CDK11B: variants seen among roughly 807,000 people sequenced by gnomAD.
CDK11B encodes cyclin-dependent kinase 11B.
A neutral mutation model predicts 84.0 loss-of-function variants in CDK11B; 37 were observed. That is an observed-to-expected ratio of 0.44 (90% CI 0.34 to 0.58). The LOEUF (loss-of-function observed/expected upper bound fraction) is 0.58. CDK11B is among the 20% of genes least tolerant of loss of function. CDK11B has a pLI of 0.02. For missense variants in CDK11B, 427 were observed against 834.0 expected (o/e 0.51, Z 6.01); for synonymous variants, 269 against 309.8 (o/e 0.87, Z 1.38).
Position 1,636,982 on chromosome 1 carries a change from C to T in CDK11B, c.1715G>A (p.Arg572Gln), listed in dbSNP as rs1277215727. 7 of 1,611,412 alleles carry T rather than the reference C, an allele frequency of 4.3e-6. No homozygotes were observed. The highest frequency in any genetic ancestry group is 1.1e-5 in the South Asian group (1 of 90,852). Residue 572 changes from arginine to glutamine, a missense_variant, in exon 16 of 20, where the codon CGG (arginine) becomes CAG (glutamine). This residue lies in a region of CDK11B where 170 missense variants were observed against 196.0 expected (regional missense o/e 0.87). Coordinates refer to ENST00000341832, the MANE Select transcript of CDK11B (RefSeq NM_033486.3). ...GGCCTTCAGAGGGGATCCGTACTCC[C>T]GCGCCAGCCCGAAGTCACCCACCTG... ...ILKVGDFGLA[R>Q]EYGSPLKAYT...
chr1:1,657,261 A>G (rs1414849778), intron 2 of CDK11B, 114 bp downstream of exon 2: 2 of 1,613,962 alleles, frequency 1.2e-6, no homozygotes, highest in Non-Finnish European at 1.7e-6. Context: ...CTCACCTGCG[A>G]CATTTGGAAG....
Position 1,637,245 on chromosome 1 carries a change from G to C in CDK11B, c.1571-43C>G. 4 of 1,607,330 alleles carry C rather than the reference G, an allele frequency of 2.5e-6. No homozygotes were observed. In the South Asian group the frequency reaches 3.3e-5, roughly 13 times the overall value. ...TCCCATGTGGACCTGGCTGCCCCCAGCCCAGGGCACTCAGGGTGGCCCACT... is the reference window on the plus strand; with the variant it reads ...TCCCATGTGGACCTGGCTGCCCCCACCCCAGGGCACTCAGGGTGGCCCACT... On this transcript the variant is annotated intron_variant, in intron 14 of 19. Coordinates refer to ENST00000341832, the MANE Select transcript of CDK11B (RefSeq NM_033486.3).
Position 1,636,950 on chromosome 1 carries a change from G to A in CDK11B, c.1747C>T (p.Pro583Ser), listed in dbSNP as rs1639414005. 6.2e-7 allele frequency: 1 copy of A among 1,609,056 alleles called. No homozygotes were observed. Among genetic ancestry groups the A allele is most frequent in the Admixed American group, 1.7e-5 (1 of 59,854 alleles). ...EYGSPLKAYT[P>S]VVVTLWYRAP... ...CGGTACCACAGGGTCACCACGACCG[G>A]GGTGTAGGCCTTCAGAGGGGATCCG... The change falls in exon 16 of 20, where the codon CCG becomes TCG. Residue 583 changes from proline to serine, a missense_variant. By Grantham distance (74) the Pro-to-Ser change is moderately conservative. This residue lies in a region of CDK11B where 170 missense variants were observed against 196.0 expected (regional missense o/e 0.87). Coordinates refer to ENST00000341832, the MANE Select transcript of CDK11B (RefSeq NM_033486.3).
chr1:1,653,862 A>ACACACACC (rs1491423617), intron 3 of CDK11B, among the ~76,000 whole-genome samples: 37 of 143,612 alleles, frequency 2.6e-4, no homozygotes, highest in Non-Finnish European at 4.8e-4. Flanking sequence ...ACACACACAC[A>ACACACACC]CCCGAGCGTG....
chr1:1,658,483 T>A (rs1357476299), intron 1 of CDK11B, among the ~76,000 whole-genome samples: 1 of 148,040 alleles, frequency 6.8e-6, no homozygotes, highest in Admixed American at 6.7e-5. Context: ...GGATTAAAGA[T>A]CATCCGTTTA....
chr1:1,652,396 C>G, intron 4 of CDK11B, 43 bp downstream of exon 4: 4 of 1,459,018 alleles, frequency 2.7e-6, no homozygotes, highest in Non-Finnish European at 3.6e-6. Context: ...AGGAAAGAAA[C>G]CACACTTGAA....
At chr1:1,640,206 C>G (rs1391152833) in intron 11 of CDK11B, 71 bp downstream of exon 11, 1 of 1,559,262 alleles carries the variant, frequency 6.4e-7, no homozygotes, top group East Asian at 2.3e-5. Flanking sequence ...GGGGGCCAGG[C>G]TTCGCTCAGC....
At chr1:1,655,969 G>T (rs1334380517) in intron 2 of CDK11B, among the ~76,000 whole-genome samples, 1 of 152,130 alleles carries the variant, frequency 6.6e-6, no homozygotes, top group Non-Finnish European at 1.5e-5. Flanking sequence ...AACCTGAGAT[G>T]AGAAATTTAA....
At chr1:1,654,206 G>A (rs1364962332) in intron 3 of CDK11B, 9 of 453,760 alleles carry the variant, frequency 2.0e-5, no homozygotes, top group East Asian at 6.8e-5. Flanking sequence ...CTAGATATGA[G>A]AAGAAAACAA....
At chr1:1,653,863 C>A (rs1342640777) in intron 3 of CDK11B, among the ~76,000 whole-genome samples, 22,976 of 132,776 alleles carry the variant, frequency 0.17, 2,079 homozygotes, top group Middle Eastern at 0.23. Context: ...CACACACACA[C>A]CCGAGCGTGG....
intron 2 of CDK11B, among the ~76,000 whole-genome samples, chr1:1,655,955 C>G (rs1642692895): frequency 6.6e-6 from 1 of 152,158 alleles, no homozygotes. Flanking sequence ...TCTCTGTAAT[C>G]TGAAACCTGA....
chr1:1,654,477 C>T (rs2100998983), intron 3 of CDK11B, among the ~76,000 whole-genome samples: 1 of 151,898 alleles, frequency 6.6e-6, no homozygotes, highest in East Asian at 1.9e-4. Context: ...GAGACGAGGT[C>T]TCCCTGTGTT....
chr1:1,657,637 G>T, intron 1 of CDK11B, 139 bp from the exon 2 acceptor site: 1 of 700,776 alleles, frequency 1.4e-6, no homozygotes, highest in Admixed American at 3.3e-5. Context: ...AGTGGCTCAA[G>T]ACGGTAACCC....
chr1:1,639,423 A>C (rs994900338), intron 11 of CDK11B, among the ~76,000 whole-genome samples: 1 of 151,726 alleles, frequency 6.6e-6, no homozygotes, highest in African/African-American at 2.4e-5. Context: ...TCTCCAAAAA[A>C]AAAGCCATCC....
rs1639537020 is a variant in CDK11B, at chr1:1,637,442, G to A, written c.1536C>T (p.Ser512=). 3 of 1,613,602 alleles carry A rather than the reference G, an allele frequency of 1.9e-6. No homozygotes were observed. The African/African-American group carries it at 4.0e-5, about 22-fold the overall frequency. Residue 512 remains serine, a synonymous_variant, in exon 14 of 20, where the codon AGC becomes AGT. Transcript: ENST00000341832. ...VMNYVEHDLK[S]LMETMKQPFL... is the part of the protein sequence containing the mutation. ...AGGGCTGTTTCATGGTCTCCATCAG[G>A]CTCTTGAGGTCGTGCTCCACATAGT...
chr1:1,647,387 G>A (rs560806211), intron 5 of CDK11B, among the ~76,000 whole-genome samples: 4 of 152,386 alleles, frequency 2.6e-5, no homozygotes, highest in East Asian at 1.9e-4. Context: ...CTGGTTGTCC[G>A]TGAAATCCAT....
In CDK11B at chr1:1,638,435, G is replaced by GCTC. The variant is rs1215084175; in HGVS notation, c.1342+62_1342+64dup. 2.5e-6 allele frequency: 3 copies of GCTC among 1,192,098 alleles called. No individual in the cohort carries two copies. In the African/African-American group the frequency reaches 4.3e-5, roughly 17 times the overall value. The allele number at this position is 1,192,098 out of a possible 1,614,324, so 73.8% of individuals were successfully genotyped here. ...TGAGGCGGGCCCAGGTGCAGTCGCA[G>GCTC]CTCTCGGGCAGCCAGCCCCTGCCCC... On this transcript the variant is annotated intron_variant, in intron 12 of 19. Transcript: ENST00000341832.
rs1312805373 is a variant in CDK11B, at chr1:1,636,388, G to C, written c.2011C>G (p.Leu671Val). ...MTFSEHPYNN[L>V]RKRFGALLSD... is the part of the protein sequence containing the mutation. Reference sequence around the variant, plus strand: ...AGCAGAGCCCCGAAGCGCTTGCGGAGGTTGTTGTAGGGGTGCTCGCTGAAG... The same window carrying C: ...AGCAGAGCCCCGAAGCGCTTGCGGACGTTGTTGTAGGGGTGCTCGCTGAAG... The change falls in exon 18 of 20, where the codon CTC becomes GTC. Residue 671 changes from leucine to valine, a missense_variant. By Grantham distance (32) the Leu-to-Val change is conservative. Transcript: ENST00000341832. 1 of 1,608,728 alleles carries C rather than the reference G, an allele frequency of 6.2e-7. No homozygotes were observed. The highest frequency in any genetic ancestry group is 8.5e-7 in the Non-Finnish European group (1 of 1,177,264).
In CDK11B at chr1:1,641,179, G is replaced by A. The variant is rs867061059; in HGVS notation, c.1010-66C>T. The A allele has an allele frequency of 2.3e-5, 36 of 1,539,594 alleles. No homozygotes were observed. In the African/African-American group the frequency reaches 3.0e-4, roughly 13 times the overall value. Reference sequence around the variant, plus strand: ...GCGAGTGCTGCCACAGGCAGGATGCGGGCTCCGCTTCAGCTAAGCAACAAG... The same window carrying A: ...GCGAGTGCTGCCACAGGCAGGATGCAGGCTCCGCTTCAGCTAAGCAACAAG... On this transcript the variant is annotated intron_variant, in intron 9 of 19. Transcript: ENST00000341832.
Sources: allele counts gnomAD v4.1 joint callset (sites outside exome capture counted in the v4.1 genomes callset), GRCh38; gene constraint gnomAD v4.1.1; regional missense constraint gnomAD v4.1.1; transcripts MANE v1.5; gene names NCBI Gene and HGNC (gene_info 2026-07-23, HGNC 2026-07-21).